ACTN3: variants seen among roughly 807,000 people sequenced by gnomAD.
ACTN3 encodes alpha-actinin-3.
In ACTN3, 91 loss-of-function variants were observed where a neutral mutation model predicts 119.6. The ratio of observed to expected loss-of-function variants is 0.76; its 90% CI spans 0.64 to 0.91. ACTN3 has a LOEUF of 0.91. ACTN3 is among the 40% of genes least tolerant of loss of function. The probability of loss-of-function intolerance (pLI) is 0.00; values close to 1 mark genes in which losing one functional copy is unlikely to be tolerated. For synonymous variants in ACTN3, 456 were observed against 478.8 expected, an observed-to-expected ratio of 0.95 and a Z score of 0.62; for missense variants, 1,221 against 1,215.1, an observed-to-expected ratio of 1.00 and a Z score of -0.07.
chr11:66,556,757 T>TG (rs373351050), intron 8 of ACTN3, among the ~76,000 whole-genome samples: 4 of 11,706 alleles, frequency 3.4e-4, no homozygotes, highest in Non-Finnish European at 4.9e-4. Context: ...TTTTTGTTTG[T>TG]TTGTGTTTTG....
chr11:66,556,003 A>G, intron 7 of ACTN3, 142 bp from the exon 8 acceptor site: 1 of 699,554 alleles, frequency 1.4e-6, no homozygotes, highest in Non-Finnish European at 2.4e-6. Flanking sequence ...GAGGGCTTCA[A>G]GGAAGAGAAG....
Position 66,556,073 on chromosome 11 carries a change from C to T in ACTN3, c.719-72C>T, listed in dbSNP as rs564107552. 7.8e-6 allele frequency: 11 copies of T among 1,414,672 alleles called. No homozygotes were observed. In the South Asian group the frequency reaches 1.4e-4, roughly 18 times the overall value. The allele number at this position is 1,414,672 out of a possible 1,614,324, so 87.6% of individuals were successfully genotyped here. On this transcript the variant is annotated intron_variant, in intron 7 of 20. Transcript: ENST00000513398. Reference sequence around the variant, plus strand: ...TGACTGGATGCTTCCAGCCCTCCCACCCAGAGAGAGTTCTCTGCCTGGGGA... The same window carrying T: ...TGACTGGATGCTTCCAGCCCTCCCATCCAGAGAGAGTTCTCTGCCTGGGGA...
chr11:66,559,502 A>T, intron 12 of ACTN3, 116 bp downstream of exon 12: 1 of 1,106,634 alleles, frequency 9.0e-7, no homozygotes. Context: ...GGGTTCTGTA[A>T]CCCCGCCGTG....
intron 10 of ACTN3, 29 bp from the exon 11 acceptor site, chr11:66,557,998 G>A (rs772684572): frequency 5.0e-6 from 8 of 1,613,528 alleles, no homozygotes; most frequent in Middle Eastern, 1.6e-4. Flanking sequence ...GGCAAACCGT[G>A]ATGGAGCGCA....
At position 66,551,251 on chromosome 11, in the gene ACTN3, T is replaced by C. The variant is rs760486468; in HGVS notation, c.160T>C (p.Trp54Arg). The change falls in exon 2 of 21, where the codon TGG (tryptophan) becomes CGG (arginine). Residue 54 changes from tryptophan (W) to arginine (R), a missense_variant. By Grantham distance (101) the Trp-to-Arg change is moderately radical. This residue lies in a region of ACTN3 where 239 missense variants were observed against 231.8 expected (regional missense o/e 1.03). Transcript: ENST00000513398. ...CCTCTGCCCCTAGACCTTCACTGCC[T>C]GGTGCAACTCACACCTGCGCAAGGC... ...EKQQRKTFTA[W>R]CNSHLRKAGT... 1.2e-6 allele frequency: 2 copies of C among 1,610,238 alleles called. No individual in the cohort carries two copies. Among genetic ancestry groups the C allele is most frequent in the Non-Finnish European group, 1.7e-6 (2 of 1,178,248 alleles).
At chr11:66,550,988 G>A in intron 1 of ACTN3, 1 of 623,246 alleles carries the variant, frequency 1.6e-6, no homozygotes, top group East Asian at 3.3e-5. Flanking sequence ...GGGTGCTGGT[G>A]GCCGGGTGCC....
rs1240678883 is a variant in ACTN3, at chr11:66,555,377, A to G, written c.718+10A>G. Reference sequence around the variant, plus strand: ...ATGTTGGATGCAGAAGGTGAGAGTGAGCTAGCCCAGGGGAAGACCCCACAT... The same window carrying G: ...ATGTTGGATGCAGAAGGTGAGAGTGGGCTAGCCCAGGGGAAGACCCCACAT... On this transcript the variant is annotated intron_variant, in intron 7 of 20. Transcript: ENST00000513398. 1 of 1,613,742 alleles carries G rather than the reference A, an allele frequency of 6.2e-7. No homozygotes were observed. The highest frequency in any genetic ancestry group is 1.3e-5 in the African/African-American group (1 of 74,906).
intron 3 of ACTN3, among the ~76,000 whole-genome samples, chr11:66,553,598 C>T (rs554624756): frequency 2.0e-5 from 3 of 150,936 alleles, no homozygotes; most frequent in South Asian, 4.2e-4. Context: ...AGGCCAGACA[C>T]GGTGGCTCAT....
rs771134953 is a variant in ACTN3, at chr11:66,557,697, A to G, written c.898-2A>G. 1 of 1,607,940 alleles carries G rather than the reference A, an allele frequency of 6.2e-7. No homozygotes were observed. The highest frequency in any genetic ancestry group is 8.5e-7 in the Non-Finnish European group (1 of 1,177,408). ...TGCCTTGCCCCTGCCTGGCCCTGTC[A>G]GCTGCTGGAGTGGATCCGCCGCACT... is the stretch of plus-strand genomic sequence containing the variant. On this transcript the variant is annotated splice_acceptor_variant, in intron 9 of 20. Transcript: ENST00000513398. LOFTEE classifies it high-confidence loss of function.
At chr11:66,553,802 G>A (rs1411957271) in intron 3 of ACTN3, among the ~76,000 whole-genome samples, 26 of 149,126 alleles carry the variant, frequency 1.7e-4, no homozygotes, top group African/African-American at 5.2e-4. Context: ...CCTGGGAGGC[G>A]GAGATTGCGC....
At position 66,562,232 on chromosome 11, in the gene ACTN3, C is replaced by G. The variant is rs762537380; in HGVS notation, c.2323-25C>G. ...GGGCTGGTGGAGGCTGGAGACCAAG[C>G]CTGATAACCACTCACCCCCTACAGA... On this transcript the variant is annotated intron_variant, in intron 18 of 20. Transcript: ENST00000513398. The G allele has an allele frequency of 3.1e-6, 5 of 1,613,848 alleles. No homozygotes were observed. The South Asian group carries it at 3.3e-5, about 11-fold the overall frequency.
rs539806545 is a variant in ACTN3, at chr11:66,556,350, C to T, written c.804+120C>T. The T allele has an allele frequency of 2.3e-5, 21 of 913,144 alleles. No individual in the cohort carries two copies. In the African/African-American group the frequency reaches 3.0e-4, roughly 13 times the overall value. 56.6% of individuals were successfully genotyped at this position (913,144 alleles called of 1,614,324 possible). On this transcript the variant is annotated intron_variant, in intron 8 of 20. Transcript: ENST00000513398. ...GGAGTGCCACTGTGCCAGCTGCACA[C>T]ACTCAGTCTTCAGCAGGAGCAGAGG...
rs1857585205 is a variant in ACTN3 at position 66,556,168 on chromosome 11, G to A, written c.742G>A (p.Asp248Asn). The A allele has an allele frequency of 1.2e-6, 2 of 1,613,764 alleles. No homozygotes were observed. Among genetic ancestry groups the A allele is most frequent in the Non-Finnish European group, 1.7e-6 (2 of 1,179,924 alleles). The change falls in exon 8 of 21, where the codon GAT becomes AAT. Residue 248 changes from aspartate to asparagine, a missense_variant. Physicochemically the swap from Asp to Asn is conservative, Grantham distance 23. Around this residue, in one of 3 missense-constraint regions of ACTN3, gnomAD observed 934 missense variants for 899.9 expected, o/e 1.04. Transcript: ENST00000513398. ...AEDIVNTPKPDEKAIMTYVSC... is the reference protein window; with the variant it reads ...AEDIVNTPKPNEKAIMTYVSC... ...AGACATTGTGAACACCCCAAAGCCG[G>A]ATGAGAAGGCCATCATGACCTATGT...
chr11:66,557,300 G>T, intron 9 of ACTN3, 75 bp downstream of exon 9: 1 of 1,406,194 alleles, frequency 7.1e-7, no homozygotes, highest in Non-Finnish European at 9.8e-7. Context: ...CCCCAAGCGT[G>T]GGCCTGCAGA....
At chr11:66,555,238 C>T in intron 6 of ACTN3, 30 bp downstream of exon 6, 1 of 1,613,988 alleles carries the variant, frequency 6.2e-7, no homozygotes, top group Non-Finnish European at 8.5e-7. Flanking sequence ...CAGCCCAAGG[C>T]CTCTGCCTGC....
Position 66,548,680 on chromosome 11 carries a change from C to G in ACTN3, c.147+1596C>G, listed in dbSNP as rs1034382729. The stretch of plus-strand genomic sequence containing the variant: ...CCTGTTGCTCTATGCTCCCTTTCTC[C>G]CCAGTGACTCCTCCATCCAAGGGCT... On this transcript the variant is annotated intron_variant, in intron 1 of 20. Transcript: ENST00000513398. 2.6e-4 allele frequency among the ~76,000 whole-genome samples: 40 copies of G among 152,138 alleles called. 1 individual carries two copies. The highest frequency in any genetic ancestry group is 9.8e-4 in the Admixed American group (15 of 15,270).
At chr11:66,546,817 G>T (rs1290091751), upstream of ACTN3, 1 of 1,528,938 alleles carries the variant, frequency 6.5e-7, no homozygotes, top group Admixed American at 2.0e-5. Context: ...CCCCCATCCG[G>T]CCCCTCCCTC....
intron 15 of ACTN3, 70 bp downstream of exon 15, chr11:66,560,825 C>T: frequency 6.7e-7 from 1 of 1,489,976 alleles, no homozygotes; most frequent in East Asian, 2.3e-5. Context: ...TCTCGGGTGG[C>T]CCAAGATATG....
In ACTN3 at chr11:66,561,619, C is replaced by T. The variant is rs1857769896; in HGVS notation, c.2157C>T (p.His719=). ...LQESLVFDNK[H]TVYSMEHIRV... The stretch of plus-strand genomic sequence containing the variant: ...AGAGCCTGGTGTTCGACAATAAGCA[C>T]ACCGTCTACAGCATGGAGGTGGGAT... Residue 719 remains histidine (H), a synonymous_variant, in exon 17 of 21, where the codon CAC becomes CAT. Coordinates refer to ENST00000513398, the MANE Select transcript of ACTN3 (RefSeq NM_001104.4). 6.2e-7 allele frequency: 1 copy of T among 1,612,362 alleles called. No individual in the cohort carries two copies. The highest frequency in any genetic ancestry group is 1.1e-5 in the South Asian group (1 of 90,718).
Sources: gnomAD v4.1 joint callset for allele counts (sites outside exome capture counted in the v4.1 genomes callset) on GRCh38, gnomAD v4.1.1 for gene constraint, gnomAD v4.1.1 regional missense constraint, MANE v1.5 for transcripts, NCBI Gene and HGNC (gene_info 2026-07-23, HGNC 2026-07-21) for gene names.